Variants in SETX observed in about 807,000 individuals in gnomAD.
SETX encodes senataxin, also known as helicase senataxin.
A neutral mutation model predicts 227.2 loss-of-function variants in SETX; 90 were observed. The ratio of observed to expected loss-of-function variants is 0.40; its 90% CI spans 0.33 to 0.47. The LOEUF (loss-of-function observed/expected upper bound fraction) is 0.47, where lower values mean the gene tolerates loss of function less well. Ranked by LOEUF, SETX falls within the 20% of genes least tolerant of loss-of-function variation. The pLI is 0.91. For missense variants in SETX, 3,052 were observed against 3,181.5 expected (o/e 0.96, Z 0.98); for synonymous variants, 1,210 against 1,113.2 (o/e 1.09, Z -1.73).
At chr9:132,336,054 C>A (rs1395898205) in intron 6 of SETX, among the ~76,000 whole-genome samples, 1 of 151,970 alleles carries the variant, frequency 6.6e-6, no homozygotes, top group Admixed American at 6.6e-5. Context: ...CCAGCCTGGC[C>A]AACATGGTGA....
intron 19 of SETX, chr9:132,282,649 T>C (rs984278860): frequency 1.2e-5 from 2 of 160,752 alleles, no homozygotes; most frequent in African/African-American, 4.8e-5. Flanking sequence ...CATGAGTGTG[T>C]TTCCCCATAT....
Position 132,264,375 on chromosome 9 carries a change from C to A in SETX, c.7898G>T (p.Arg2633Ile). 2 of 1,614,206 alleles carry A rather than the reference C, an allele frequency of 1.2e-6. No homozygotes were observed. Among genetic ancestry groups the A allele is most frequent in the Non-Finnish European group, 1.7e-6 (2 of 1,180,042 alleles). The change falls in exon 26 of 26, where the codon AGA becomes ATA. Residue 2633 changes from arginine (R) to isoleucine (I), a missense_variant. By Grantham distance (97) the Arg-to-Ile change is moderately conservative. Around this residue, in one of 10 missense-constraint regions of SETX, gnomAD observed 294 missense variants for 278.8 expected, o/e 1.05. Coordinates refer to ENST00000224140, the MANE Select transcript of SETX (RefSeq NM_015046.7). ...DDPEEELCHR[R>I]EARAFSEGEQ... ...CCCTTCACTGAAAGCCCTGGCCTCT[C>A]TCCTGTGACAGAGCTCCTCTTCCGG...
intron 25 of SETX, among the ~76,000 whole-genome samples, chr9:132,268,239 A>G (rs899973361): frequency 2.0e-5 from 3 of 152,250 alleles, no homozygotes; most frequent in East Asian, 1.9e-4. Context: ...CACCCTTCAC[A>G]TGGGTTCCCC....
rs1056899 is a variant in SETX, at chr9:132,264,514, T to C, written c.7759A>G (p.Ile2587Val). The C allele has an allele frequency of 0.33, 539,537 of 1,613,704 alleles. 103,719 individuals are homozygous for C. The highest frequency in any genetic ancestry group is 0.75 in the African/African-American group (56,469 of 74,934). ...GCCACTACAGCAGCGGGCTGCTGTA[T>C]ATGGCTCAGGTCCTGGTGAACGACA... The part of the protein sequence containing the change: ...FPVVHQDLSH[I>V]QQPAAVVAAL... Residue 2587 changes from isoleucine to valine, a missense_variant, in exon 26 of 26, where the codon ATA (isoleucine) becomes GTA (valine). Ile to Val is a conservative substitution (Grantham distance 29, BLOSUM62 3). Coordinates refer to ENST00000224140, the MANE Select transcript of SETX (RefSeq NM_015046.7).
chr9:132,334,155 A>G (rs1233637892), intron 7 of SETX, among the ~76,000 whole-genome samples: 2 of 152,204 alleles, frequency 1.3e-5, no homozygotes, highest in African/African-American at 4.8e-5. Context: ...ATTAAATTAT[A>G]AAGGTCCTTT....
intron 12 of SETX, among the ~76,000 whole-genome samples, 159 bp downstream of exon 12, chr9:132,300,470 GA>G (rs1844924829): frequency 6.6e-6 from 1 of 152,074 alleles, no homozygotes; most frequent in Non-Finnish European, 1.5e-5. Context: ...GTTAAGTCTA[GA>G]AAAACTAGAA....
chr9:132,273,527 T>G (rs1358958106), intron 23 of SETX, among the ~76,000 whole-genome samples: 1 of 152,268 alleles, frequency 6.6e-6, no homozygotes, highest in Non-Finnish European at 1.5e-5. Flanking sequence ...AGTCTTATAC[T>G]TCTTTGGTTC....
intron 10 of SETX, among the ~76,000 whole-genome samples, chr9:132,314,678 CT>C (rs1845861867): frequency 6.6e-6 from 1 of 152,104 alleles, no homozygotes; most frequent in South Asian, 2.1e-4. Flanking sequence ...TCTGAGTTCT[CT>C]TTTTTCCCAG....
chr9:132,283,019 G>GT lies in SETX; in HGVS notation c.6546+244_6546+245insA. 3 of 528,226 alleles carry GT rather than the reference G, an allele frequency of 5.7e-6. No homozygotes were observed. In the South Asian group the frequency reaches 6.1e-5, roughly 11 times the overall value. The allele number at this position is 528,226 out of a possible 1,614,324, so 32.7% of individuals were successfully genotyped here. A position where few individuals can be genotyped will look rare whatever the true frequency, so the allele number is the denominator to read the frequency against. On this transcript the variant is annotated intron_variant, in intron 19 of 25. Transcript: ENST00000224140. Reference sequence around the variant, plus strand: ...TAAGCAGGAGTGAGACAGTCACTCAGCAGAGATTTTGTTAGAAACCATCAG... The same window carrying GT: ...TAAGCAGGAGTGAGACAGTCACTCAGTCAGAGATTTTGTTAGAAACCATCAG...
chr9:132,279,329 G>A (rs947191945), intron 20 of SETX, among the ~76,000 whole-genome samples: 2 of 151,998 alleles, frequency 1.3e-5, no homozygotes, highest in Non-Finnish European at 2.9e-5. Context: ...CGAGTTAATG[G>A]GTGCAGCACA....
chr9:132,340,979 C>T (rs895033032), intron 5 of SETX, among the ~76,000 whole-genome samples: 9 of 152,134 alleles, frequency 5.9e-5, no homozygotes, highest in Admixed American at 3.9e-4. Flanking sequence ...AGATAGGACC[C>T]AATACCCCAG....
At chr9:132,309,504 CATA>C (rs1326331611) in intron 11 of SETX, among the ~76,000 whole-genome samples, 1 of 152,020 alleles carries the variant, frequency 6.6e-6, no homozygotes, top group Non-Finnish European at 1.5e-5. Flanking sequence ...TGGGGCCACA[CATA>C]ATGCCTGTTA....
At chr9:132,311,445 C>T (rs969445133) in intron 11 of SETX, among the ~76,000 whole-genome samples, 2 of 152,174 alleles carry the variant, frequency 1.3e-5, no homozygotes, top group Non-Finnish European at 2.9e-5. Context: ...GGAAGATTTA[C>T]TCAGAATCTG....
Position 132,328,809 on chromosome 9 carries a change from C to A in SETX, c.2789G>T (p.Ser930Ile), listed in dbSNP as rs1311693903. ...PESRDEEMSN[S>I]TSVIYSNLTR... ...CAAGTTAGAATAAATCACACTGGTA[C>A]TATTACTCATCTCCTCATCTCTTGA... Residue 930 changes from serine to isoleucine, a missense_variant, in exon 10 of 26, where the codon AGT (serine) becomes ATT (isoleucine). Around this residue, in one of 10 missense-constraint regions of SETX, gnomAD observed 1,483 missense variants for 1,312.0 expected, o/e 1.13. Transcript: ENST00000224140. 6.2e-7 allele frequency: 1 copy of A among 1,612,186 alleles called. No individual in the cohort carries two copies. Among genetic ancestry groups the A allele is most frequent in the Admixed American group, 1.7e-5 (1 of 59,700 alleles).
At chr9:132,265,092 GAACATA>G in intron 25 of SETX, 107 bp from the exon 26 acceptor site, 8 of 1,286,852 alleles carry the variant, frequency 6.2e-6, no homozygotes, top group African/African-American at 1.5e-5. Context: ...ATTATTGTAT[GAACATA>G]TTCTCAAGAT....
chr9:132,316,564 T>G (rs973351876), intron 10 of SETX, among the ~76,000 whole-genome samples: 7 of 152,228 alleles, frequency 4.6e-5, no homozygotes, highest in African/African-American at 1.4e-4. Flanking sequence ...AGTTTTACTT[T>G]CCAAACATAT....
chr9:132,325,151 T>G (rs1417920538), intron 10 of SETX, among the ~76,000 whole-genome samples: 1 of 151,938 alleles, frequency 6.6e-6, no homozygotes. Flanking sequence ...GGTCAGGAGA[T>G]TGAGACCATC....
intron 9 of SETX, 109 bp downstream of exon 9, chr9:132,330,943 T>TTGAG: frequency 1.2e-6 from 1 of 864,508 alleles, no homozygotes; most frequent in Admixed American, 1.8e-5. Flanking sequence ...TAGCAGTAGA[T>TTGAG]TGAGAACAGC....
chr9:132,329,541 C>G lies in SETX; in HGVS notation c.2057G>C (p.Gly686Ala), dbSNP rs750853194. ...DVKLEDHLLA[G>A]SCLKQSSKNI... is the part of the protein sequence containing the mutation. ...TTTACTACTCTGCTTTAAGCATGAC[C>G]CAGCTAAGAGATGGTCCTCTAGTTT... Residue 686 changes from glycine (G) to alanine (A), a missense_variant, in exon 10 of 26, where the codon GGG (glycine) becomes GCG (alanine). Gly to Ala is a moderately conservative substitution (Grantham distance 60). This residue lies in a region of SETX where 1,483 missense variants were observed against 1,312.0 expected (regional missense o/e 1.13). Coordinates refer to ENST00000224140, the MANE Select transcript of SETX (RefSeq NM_015046.7). 1 of 1,613,162 alleles carries G rather than the reference C, an allele frequency of 6.2e-7. No homozygotes were observed. Among genetic ancestry groups the G allele is most frequent in the Non-Finnish European group, 8.5e-7 (1 of 1,179,966 alleles).
Sources: allele counts gnomAD v4.1 joint callset (sites outside exome capture counted in the v4.1 genomes callset), GRCh38; gene constraint gnomAD v4.1.1; regional missense constraint gnomAD v4.1.1; transcripts MANE v1.5; gene names NCBI Gene and HGNC (gene_info 2026-07-23, HGNC 2026-07-21).